Variants in LDLRAD3 observed in about 807,000 individuals in gnomAD.
LDLRAD3 encodes the protein low density lipoprotein receptor class A domain containing 3.
A neutral mutation model predicts 29.4 loss-of-function variants in LDLRAD3; 20 were observed. The ratio of observed to expected loss-of-function variants is 0.68; its 90% CI spans 0.48 to 0.99. LDLRAD3 has a LOEUF of 0.99. Ranked by LOEUF, LDLRAD3 falls within the 50% of genes least tolerant of loss-of-function variation. The pLI is 0.00. For synonymous variants in LDLRAD3, 157 were observed against 192.7 expected (o/e 0.81, Z 1.53); for missense variants, 420 against 454.3 (o/e 0.92, Z 0.69).
intron 4 of LDLRAD3, among the ~76,000 whole-genome samples, chr11:36,196,029 C>A (rs76341171): frequency 6.0e-4 from 83 of 138,496 alleles, no homozygotes; most frequent in Non-Finnish European, 5.2e-4. Context: ...CCCCAAAAGA[C>A]AAAAAAAAAA....
intron 1 of LDLRAD3, among the ~76,000 whole-genome samples, chr11:35,986,095 G>A (rs541023653): frequency 6.6e-6 from 1 of 152,046 alleles, no homozygotes; most frequent in African/African-American, 2.4e-5. Flanking sequence ...CATATCCCAA[G>A]CATTTGTTGG....
chr11:36,060,835 CT>C (rs757342783), intron 2 of LDLRAD3, among the ~76,000 whole-genome samples: 1 of 152,188 alleles, frequency 6.6e-6, no homozygotes, highest in Non-Finnish European at 1.5e-5. Flanking sequence ...TATTACCTTT[CT>C]TTTCTGCTTT....
At chr11:36,146,614 A>AT (rs1433463463) in intron 4 of LDLRAD3, among the ~76,000 whole-genome samples, 2 of 152,128 alleles carry the variant, frequency 1.3e-5, no homozygotes, top group African/African-American at 4.8e-5. Context: ...CTGAGGGAAA[A>AT]TTCACTGCAT....
chr11:36,194,765 C>T (rs1367968456), intron 4 of LDLRAD3, among the ~76,000 whole-genome samples: 1 of 152,172 alleles, frequency 6.6e-6, no homozygotes, highest in Non-Finnish European at 1.5e-5. Flanking sequence ...TTCTCTAAAA[C>T]TCTGTCATCC....
intron 1 of LDLRAD3, among the ~76,000 whole-genome samples, chr11:36,033,084 G>T (rs1356677288): frequency 6.6e-6 from 1 of 152,018 alleles, no homozygotes; most frequent in African/African-American, 2.4e-5. Context: ...ATGTTGGTAG[G>T]CTGGTCTCAA....
At chr11:36,165,017 A>G (rs1307297210) in intron 4 of LDLRAD3, among the ~76,000 whole-genome samples, 1 of 152,198 alleles carries the variant, frequency 6.6e-6, no homozygotes, top group Non-Finnish European at 1.5e-5. Flanking sequence ...GAACAGGGAA[A>G]ATTTTACCCA....
chr11:36,107,900 C>A (rs570267921), intron 4 of LDLRAD3, among the ~76,000 whole-genome samples: 1 of 152,140 alleles, frequency 6.6e-6, no homozygotes, highest in African/African-American at 2.4e-5. Context: ...GACAAAGGCA[C>A]GTACCAAATT....
At chr11:35,988,846 G>A (rs539771891) in intron 1 of LDLRAD3, 2 of 151,870 alleles carry the variant, frequency 1.3e-5, no homozygotes, top group East Asian at 2.0e-4. Context: ...GCCTCCCAAA[G>A]TGCTGGGATT....
In LDLRAD3 at chr11:36,229,218, C is replaced by T; in HGVS notation, c.859C>T (p.Gln287Ter). The stretch of plus-strand genomic sequence containing the variant: ...CTCTTCTGACACGGAATCTCTGAAC[C>T]AAGCCGACCTGCCCCCCTACCGCTC... ...PYSSDTESLNQADLPPYRSRS... is the reference protein window; with the variant it reads ...PYSSDTESLN The change falls in exon 6 of 6, where the codon CAA becomes TAA. Residue 287 changes from glutamine (Q) to a stop codon, truncating the protein, a stop_gained. Transcript: ENST00000315571. LOFTEE classifies it high-confidence loss of function. The T allele has an allele frequency of 6.2e-7, 1 of 1,614,050 alleles. No individual in the cohort carries two copies. Among genetic ancestry groups the T allele is most frequent in the Non-Finnish European group, 8.5e-7 (1 of 1,180,008 alleles).
chr11:36,133,978 A>G (rs1270770389), intron 4 of LDLRAD3, among the ~76,000 whole-genome samples: 1 of 151,964 alleles, frequency 6.6e-6, no homozygotes, highest in African/African-American at 2.4e-5. Flanking sequence ...AAGTATATAT[A>G]TATATAACAT....
chr11:36,142,690 A>G (rs1854104701), intron 4 of LDLRAD3, among the ~76,000 whole-genome samples: 1 of 152,148 alleles, frequency 6.6e-6, no homozygotes, highest in Non-Finnish European at 1.5e-5. Context: ...ACTCACACTC[A>G]TTGGAGGGCA....
chr11:35,946,617 G>A (rs141744154), intron 1 of LDLRAD3, among the ~76,000 whole-genome samples: 3 of 152,274 alleles, frequency 2.0e-5, no homozygotes, highest in African/African-American at 7.2e-5. Flanking sequence ...GTTTAAGTGC[G>A]TATGGCTTGA....
intron 1 of LDLRAD3, among the ~76,000 whole-genome samples, chr11:35,980,544 A>G (rs986286598): frequency 6.6e-6 from 1 of 152,182 alleles, no homozygotes; most frequent in African/African-American, 2.4e-5. Context: ...GAGAAATATT[A>G]TTTTATTAAT....
At chr11:36,211,849 A>G (rs1855287460) in intron 4 of LDLRAD3, among the ~76,000 whole-genome samples, 1 of 152,176 alleles carries the variant, frequency 6.6e-6, no homozygotes, top group African/African-American at 2.4e-5. Flanking sequence ...AAACTGATCA[A>G]AGCATCTCCG....
intron 2 of LDLRAD3, among the ~76,000 whole-genome samples, chr11:36,038,982 T>TTC (rs1852343508): frequency 6.6e-6 from 1 of 151,602 alleles, no homozygotes; most frequent in South Asian, 2.1e-4. Flanking sequence ...TTTTTTTTTT[T>TTC]TTTTTAGACG....
At chr11:35,998,870 C>G (rs1195827218) in intron 1 of LDLRAD3, among the ~76,000 whole-genome samples, 1 of 152,280 alleles carries the variant, frequency 6.6e-6, no homozygotes. Flanking sequence ...TATCCTTTGG[C>G]CTGGTCACCT....
intron 1 of LDLRAD3, among the ~76,000 whole-genome samples, chr11:35,986,724 TC>T (rs936193985): frequency 6.6e-6 from 1 of 152,308 alleles, no homozygotes; most frequent in Non-Finnish European, 1.5e-5. Context: ...GTGATACATG[TC>T]CCCTTTCTGC....
intron 1 of LDLRAD3, among the ~76,000 whole-genome samples, chr11:35,971,083 A>G (rs569853138): frequency 6.6e-6 from 1 of 152,266 alleles, no homozygotes; most frequent in South Asian, 2.1e-4. Context: ...CTGTAGTTGG[A>G]AGAAGCATGA....
chr11:36,191,538 GTCTCTCTCTCTCTC>G (rs751965155), intron 4 of LDLRAD3, among the ~76,000 whole-genome samples: 1 of 55,694 alleles, frequency 1.8e-5, no homozygotes, highest in Non-Finnish European at 3.2e-5. Context: ...GCAAGACCCT[GTCTCTCTCTCTCTC>G]TCTCTCTCTC....
Sources: gnomAD v4.1 joint callset for allele counts (sites outside exome capture counted in the v4.1 genomes callset) on GRCh38, gnomAD v4.1.1 for gene constraint, MANE v1.5 for transcripts, NCBI Gene and HGNC (gene_info 2026-07-23, HGNC 2026-07-21) for gene names.